The following CCDC80 variants were observed in gnomAD, a reference collection of about 807,000 sequenced individuals.
CCDC80 encodes the protein coiled-coil domain containing 80, also known as coiled-coil domain-containing protein 80.
A neutral mutation model predicts 78.7 loss-of-function variants in CCDC80; 49 were observed. The observed-to-expected ratio is 0.62, with a 90% confidence interval of 0.50 to 0.79. CCDC80 has a LOEUF of 0.79. Ranked by LOEUF, CCDC80 falls within the 30% of genes least tolerant of loss-of-function variation. The pLI is 0.00. For synonymous variants in CCDC80, 488 were observed against 447.0 expected (o/e 1.09, Z -1.16); for missense variants, 1,205 against 1,198.6 (o/e 1.01, Z -0.08).
chr3:112,632,239 T>C (rs534090424), intron 2 of CCDC80, among the ~76,000 whole-genome samples: 1 of 152,310 alleles, frequency 6.6e-6, no homozygotes, highest in Non-Finnish European at 1.5e-5. Context: ...TTTTTCTGAC[T>C]GTTTTGTGCT....
chr3:112,607,854 T>C (rs1395076655), intron 6 of CCDC80, among the ~76,000 whole-genome samples: 2 of 152,252 alleles, frequency 1.3e-5, no homozygotes, highest in Non-Finnish European at 2.9e-5. Context: ...GTTAGTGTTC[T>C]GAATTTATAA....
chr3:112,607,678 C>A (rs1357848757), intron 6 of CCDC80, among the ~76,000 whole-genome samples: 1 of 151,976 alleles, frequency 6.6e-6, no homozygotes, highest in Non-Finnish European at 1.5e-5. Context: ...CCCAGCTACT[C>A]GGGAGGGTGA....
chr3:112,622,959 A>C lies in CCDC80; in HGVS notation c.2036-3855T>G, dbSNP rs546674380. ...CCAAAGTGCTGGGATTATAGGCATGAGCTACCACGCCCAGCCAGAAGAAAA... is the reference window on the plus strand; with the variant it reads ...CCAAAGTGCTGGGATTATAGGCATGCGCTACCACGCCCAGCCAGAAGAAAA... On this transcript the variant is annotated intron_variant, in intron 3 of 7. Transcript: ENST00000206423. 2.0e-5 allele frequency among the ~76,000 whole-genome samples: 3 copies of C among 151,630 alleles called. No individual in the cohort carries two copies. In the East Asian group the frequency reaches 5.9e-4, roughly 30 times the overall value.
rs35149092 is a variant in CCDC80 at position 112,638,130 on chromosome 3, T to C, written c.1776A>G (p.Glu592=). 4,488 of 1,614,172 alleles carry C rather than the reference T, an allele frequency of 2.8e-3. 16 individuals carry two copies. Among genetic ancestry groups the C allele is most frequent in the Middle Eastern group, 3.6e-3 (22 of 6,062 alleles). Residue 592 remains glutamate, a synonymous_variant, in exon 2 of 8, where the codon GAA becomes GAG. Coordinates refer to ENST00000206423, the MANE Select transcript of CCDC80 (RefSeq NM_199511.3). The part of the protein sequence containing the change: ...KSKKKKGGKT[E]QDGYQKPTNK... The stretch of plus-strand genomic sequence containing the variant: ...TGGTGGGTTTCTGATAGCCATCCTG[T>C]TCTGTTTTACCTCCTTTTTTCTTCT...
Position 112,602,589 on chromosome 3 carries a change from G to A in CCDC80, c.*2828C>T, listed in dbSNP as rs1935392622. 3 of 152,232 alleles carry A rather than the reference G, an allele frequency of 2.0e-5. No homozygotes were observed. The South Asian group carries it at 6.2e-4, about 31-fold the overall frequency. The allele number at this position is 152,232 out of a possible 1,614,324, so 9.4% of individuals were successfully genotyped here. On this transcript the variant is annotated 3_prime_UTR_variant, in exon 8 of 8. Coordinates refer to ENST00000206423, the MANE Select transcript of CCDC80 (RefSeq NM_199511.3). The stretch of plus-strand genomic sequence containing the variant: ...AAAACAGCCTTACTGCTGATATGGA[G>A]AAACTTTGAGTCATCTGAATAGAAG...
intron 4 of CCDC80, 60 bp from the exon 5 acceptor site, chr3:112,616,918 AGG>A: frequency 6.6e-7 from 1 of 1,525,572 alleles, no homozygotes; most frequent in Non-Finnish European, 9.0e-7. Flanking sequence ...CTCTATTCAG[AGG>A]ATAGAGAACC....
rs759618725 is a variant in CCDC80, at chr3:112,601,196, A to G, written c.*4221T>C. On this transcript the variant is annotated 3_prime_UTR_variant, in exon 8 of 8. Coordinates refer to ENST00000206423, the MANE Select transcript of CCDC80 (RefSeq NM_199511.3). ...AATAAGTGATTTGTCAAGTTCATTGAACTATAAATTCCATTTTTACTGTCA... is the reference window on the plus strand; with the variant it reads ...AATAAGTGATTTGTCAAGTTCATTGGACTATAAATTCCATTTTTACTGTCA... 1 of 152,242 alleles carries G rather than the reference A, an allele frequency of 6.6e-6. No individual in the cohort carries two copies. The highest frequency in any genetic ancestry group is 1.5e-5 in the Non-Finnish European group (1 of 68,046). 9.4% of individuals were successfully genotyped at this position (152,242 alleles called of 1,614,324 possible).
chr3:112,622,822 A>ATTTTTT (rs373170477), intron 3 of CCDC80, among the ~76,000 whole-genome samples: 18 of 118,884 alleles, frequency 1.5e-4, no homozygotes, highest in African/African-American at 2.1e-4. Context: ...TGCCCAGCTA[A>ATTTTTT]TTTTTTTTTT....
At chr3:112,617,943 G>C (rs749464217) in intron 4 of CCDC80, among the ~76,000 whole-genome samples, 40 of 152,284 alleles carry the variant, frequency 2.6e-4, no homozygotes, top group African/African-American at 5.1e-4. Context: ...GTGGGTTCGG[G>C]AGCCAGCCTC....
At chr3:112,611,913 CTT>C (rs1336134718) in intron 5 of CCDC80, among the ~76,000 whole-genome samples, 1 of 152,046 alleles carries the variant, frequency 6.6e-6, no homozygotes, top group East Asian at 1.9e-4. Flanking sequence ...AAAATGGCCT[CTT>C]GAGGGAATAG....
At chr3:112,618,204 A>G (rs1230799535) in intron 4 of CCDC80, among the ~76,000 whole-genome samples, 1 of 152,226 alleles carries the variant, frequency 6.6e-6, no homozygotes, top group Non-Finnish European at 1.5e-5. Context: ...GTCCGCAAGC[A>G]TAGAAAGAAA....
chr3:112,639,833 G>A lies in CCDC80; in HGVS notation c.73C>T (p.Pro25Ser). 2 of 1,614,168 alleles carry A rather than the reference G, an allele frequency of 1.2e-6. No individual in the cohort carries two copies. The highest frequency in any genetic ancestry group is 1.7e-6 in the Non-Finnish European group (2 of 1,180,030). ...MWLVCGSEPH[P>S]HATIRGSHGG... ...TGGCTGCCTCTAATAGTGGCATGGG[G>A]GTGGGGTTCTGATCCACACACTAGC... The change falls in exon 2 of 8, where the codon CCC (proline) becomes TCC (serine). Residue 25 changes from proline to serine, a missense_variant. Physicochemically the swap from Pro to Ser is moderately conservative, Grantham distance 74 (BLOSUM62 -1). Transcript: ENST00000206423.
intron 7 of CCDC80, among the ~76,000 whole-genome samples, chr3:112,606,898 G>A (rs1448580974): frequency 6.6e-6 from 1 of 151,964 alleles, no homozygotes; most frequent in African/African-American, 2.4e-5. Context: ...GGACCTATAC[G>A]GACCCCCAAA....
At position 112,597,538 on chromosome 3, in the gene CCDC80, G is replaced by T. The variant is rs1222502327; in HGVS notation, c.*7879C>A. 1.3e-5 allele frequency: 2 copies of T among 152,010 alleles called. No individual in the cohort carries two copies. The highest frequency in any genetic ancestry group is 2.9e-5 in the Non-Finnish European group (2 of 67,978). The allele number at this position is 152,010 out of a possible 1,614,324, so 9.4% of individuals were successfully genotyped here. A position where few individuals can be genotyped will look rare whatever the true frequency, so the allele number is the denominator to read the frequency against. On this transcript the variant is annotated 3_prime_UTR_variant, in exon 8 of 8. Transcript: ENST00000206423. ...TACTTTTTAGTTTATTTCAGGGAGG[G>T]GGTGGTGTTTTTTAATGAATTAATA...
intron 2 of CCDC80, among the ~76,000 whole-genome samples, chr3:112,635,597 C>T (rs1429264959): frequency 2.0e-5 from 3 of 152,130 alleles, no homozygotes; most frequent in Non-Finnish European, 4.4e-5. Flanking sequence ...TTTTCTAATA[C>T]ATTCTTACTT....
intron 3 of CCDC80, among the ~76,000 whole-genome samples, chr3:112,622,599 C>T (rs1576787914): frequency 6.6e-6 from 1 of 152,078 alleles, no homozygotes; most frequent in African/African-American, 2.4e-5. Flanking sequence ...TGTTTAAGCT[C>T]ACTAATGATT....
At position 112,604,985 on chromosome 3, in the gene CCDC80, A is replaced by G. The variant is rs1481535191; in HGVS notation, c.*432T>C. On this transcript the variant is annotated 3_prime_UTR_variant, in exon 8 of 8. Coordinates refer to ENST00000206423, the MANE Select transcript of CCDC80 (RefSeq NM_199511.3). ...AAAAGTGTCAATTTAAGTAAGTATT[A>G]TAAGTTATTTGTTCTTTGTTTTATC... The G allele has an allele frequency of 6.5e-6, 1 of 153,150 alleles. No individual in the cohort carries two copies. Among genetic ancestry groups the G allele is most frequent in the Non-Finnish European group, 1.5e-5 (1 of 68,698 alleles). The allele number at this position is 153,150 out of a possible 1,614,324, so 9.5% of individuals were successfully genotyped here.
chr3:112,631,421 GCTGT>G (rs1353357186), intron 2 of CCDC80, among the ~76,000 whole-genome samples: 2 of 152,114 alleles, frequency 1.3e-5, no homozygotes, highest in African/African-American at 4.8e-5. Flanking sequence ...TGCAATGAAC[GCTGT>G]CTATTTGCCC....
At chr3:112,621,013 AC>A (rs1477547844) in intron 3 of CCDC80, among the ~76,000 whole-genome samples, 1 of 152,204 alleles carries the variant, frequency 6.6e-6, no homozygotes, top group Non-Finnish European at 1.5e-5. Context: ...GGACAAAGTC[AC>A]AAAATCACTG....
Sources: gnomAD v4.1 joint callset for allele counts (sites outside exome capture counted in the v4.1 genomes callset) on GRCh38, gnomAD v4.1.1 for gene constraint, MANE v1.5 for transcripts, NCBI Gene and HGNC (gene_info 2026-07-23, HGNC 2026-07-21) for gene names.